MAF: variants seen among roughly 807,000 people sequenced by gnomAD.
MAF encodes transcription factor Maf.
In MAF, 10 loss-of-function variants were observed where a neutral mutation model predicts 22.0. That is an observed-to-expected ratio of 0.45 (90% CI 0.28 to 0.77). MAF has a LOEUF of 0.77. MAF is among the 30% of genes least tolerant of loss of function. The pLI, the probability that MAF is intolerant of heterozygous loss-of-function variation, is 0.12. For synonymous variants in MAF, 337 were observed against 255.8 expected (o/e 1.32, Z -3.03); for missense variants, 544 against 548.4 (o/e 0.99, Z 0.08).
At chr16:79,435,046 G>A in the MAF span, among the ~76,000 whole-genome samples, 2 of 152,186 alleles carry the variant, frequency 1.3e-5, no homozygotes. Flanking sequence ...GAGAAGCGAA[G>A]TGAGTTGACA....
the MAF span, chr16:79,211,800 G>A: frequency 3.1e-6 from 5 of 1,613,926 alleles, no homozygotes; most frequent in Non-Finnish European, 4.2e-6. Context: ...CGGCTAAGTG[G>A]AGCTCAGAGC....
the MAF span, among the ~76,000 whole-genome samples, chr16:79,216,149 CA>C: frequency 6.6e-6 from 1 of 150,658 alleles, no homozygotes; most frequent in African/African-American, 2.5e-5. Flanking sequence ...ATGTCATGCA[CA>C]TCTGTATATG....
the MAF span, among the ~76,000 whole-genome samples, chr16:79,347,580 A>C: frequency 6.6e-6 from 1 of 152,092 alleles, no homozygotes; most frequent in African/African-American, 2.4e-5. Context: ...CTTCGCATGC[A>C]CCGAGCGGGG....
chr16:79,226,339 C>T, the MAF span, among the ~76,000 whole-genome samples: 1 of 151,876 alleles, frequency 6.6e-6, no homozygotes, highest in East Asian at 1.9e-4. Context: ...TGAGAACACA[C>T]GGACAAGGGA....
the MAF span, among the ~76,000 whole-genome samples, chr16:79,248,841 A>C: frequency 3.9e-5 from 6 of 152,168 alleles, no homozygotes; most frequent in African/African-American, 1.4e-4. Context: ...ATCTCTATTA[A>C]GTTACTTGGT....
At chr16:79,362,025 G>C in the MAF span, among the ~76,000 whole-genome samples, 4 of 152,148 alleles carry the variant, frequency 2.6e-5, no homozygotes, top group African/African-American at 9.7e-5. Flanking sequence ...GATTAGGAAG[G>C]TGGGCTCTGA....
the MAF span, among the ~76,000 whole-genome samples, chr16:79,228,763 G>A: frequency 6.6e-6 from 1 of 151,962 alleles, no homozygotes; most frequent in African/African-American, 2.4e-5. Flanking sequence ...ATTTGCTCAG[G>A]AAGACGAATA....
the MAF span, among the ~76,000 whole-genome samples, chr16:79,289,353 G>T: frequency 6.6e-6 from 1 of 152,090 alleles, no homozygotes; most frequent in Non-Finnish European, 1.5e-5. Context: ...GGTTAAATTG[G>T]TGGGTCTCAG....
the MAF span, among the ~76,000 whole-genome samples, chr16:79,444,075 A>G: frequency 9.9e-5 from 15 of 152,176 alleles, no homozygotes; most frequent in Non-Finnish European, 1.5e-4. Context: ...ATCATTTTTG[A>G]AAGATAGTTA....
chr16:79,493,138 TTTTTG>T, the MAF span, among the ~76,000 whole-genome samples: 12 of 144,238 alleles, frequency 8.3e-5, no homozygotes, highest in African/African-American at 3.5e-4. Context: ...TTCTGTTTTT[TTTTTG>T]TTTTGTTTTG....
At chr16:79,392,242 G>C in the MAF span, among the ~76,000 whole-genome samples, 2 of 147,110 alleles carry the variant, frequency 1.4e-5, no homozygotes, top group Admixed American at 1.4e-4. Context: ...GAGGGGGAGA[G>C]GAGAAAGAGA....
the MAF span, among the ~76,000 whole-genome samples, chr16:79,297,258 C>A: frequency 5.9e-5 from 9 of 152,128 alleles, no homozygotes; most frequent in South Asian, 1.9e-3. Flanking sequence ...TTTTTCTTGG[C>A]AATTACTCTT....
chr16:79,429,686 G>C, the MAF span, among the ~76,000 whole-genome samples: 2 of 152,118 alleles, frequency 1.3e-5, no homozygotes, highest in African/African-American at 2.4e-5. Flanking sequence ...CCATGCACCA[G>C]TGAACAGAGG....
the MAF span, among the ~76,000 whole-genome samples, chr16:79,244,979 T>C: frequency 6.6e-6 from 1 of 152,076 alleles, no homozygotes; most frequent in Non-Finnish European, 1.5e-5. Context: ...GGTTTCCCTA[T>C]TTGATAAACG....
the MAF span, among the ~76,000 whole-genome samples, chr16:79,390,628 T>C: frequency 6.6e-6 from 1 of 152,152 alleles, no homozygotes; most frequent in Non-Finnish European, 1.5e-5. Context: ...CCCCAGAGTG[T>C]GCATTTACCA....
chr16:79,544,262 T>C, the MAF span, among the ~76,000 whole-genome samples: 1 of 152,140 alleles, frequency 6.6e-6, no homozygotes, highest in Non-Finnish European at 1.5e-5. Context: ...TAAAATTAAA[T>C]AGAACTAAGC....
At chr16:79,414,755 CA>C in the MAF span, among the ~76,000 whole-genome samples, 1 of 152,154 alleles carries the variant, frequency 6.6e-6, no homozygotes, top group East Asian at 1.9e-4. Context: ...TTTTGTTAAT[CA>C]GGAAAAACTG....
chr16:79,599,959 GGGCCAGCGGGCTGTGCTGGGT>G lies in MAF; in HGVS notation c.-78_-58del, dbSNP rs1913909710. On this transcript the variant is annotated 5_prime_UTR_variant, in exon 1 of 2. Coordinates refer to ENST00000326043, the MANE Select transcript of MAF (RefSeq NM_005360.5). ...CTCCGCCAGATGGGCTGCAGGAGAG[GGGCCAGCGGGCTGTGCTGGGT>G]GGCCAGCGGGTGAGCCAGCTTGCCG... is the stretch of plus-strand genomic sequence containing the variant. 4 of 1,595,974 alleles carry G rather than the reference GGGCCAGCGGGCTGTGCTGGGT, an allele frequency of 2.5e-6. No individual in the cohort carries two copies. The highest frequency in any genetic ancestry group is 2.2e-5 in the South Asian group (2 of 90,906).
chr16:79,485,163 A>G, the MAF span, among the ~76,000 whole-genome samples: 1 of 152,196 alleles, frequency 6.6e-6, no homozygotes, highest in Non-Finnish European at 1.5e-5. Flanking sequence ...ATCTCTTTAA[A>G]GGCTGTGTTC....
Sources: gnomAD v4.1 joint callset for allele counts (sites outside exome capture counted in the v4.1 genomes callset) on GRCh38, gnomAD v4.1.1 for gene constraint, MANE v1.5 for transcripts, NCBI Gene and HGNC (gene_info 2026-07-23, HGNC 2026-07-21) for gene names.